Variants in FSTL5 observed in about 807,000 individuals in gnomAD.
The protein encoded by FSTL5 is follistatin-related protein 5.
FSTL5 carries 62 observed loss-of-function variants against 89.1 expected under a neutral mutation model. The ratio of observed to expected loss-of-function variants is 0.70; its 90% CI spans 0.57 to 0.86. The LOEUF (loss-of-function observed/expected upper bound fraction) is 0.86. Ranked by LOEUF, FSTL5 falls within the 40% of genes least tolerant of loss-of-function variation. FSTL5 has a pLI of 0.00. For missense variants in FSTL5, 1,057 were observed against 1,001.6 expected, an observed-to-expected ratio of 1.06 and a Z score of -0.75; for synonymous variants, 383 against 346.2, an observed-to-expected ratio of 1.11 and a Z score of -1.18.
In FSTL5 at chr4:161,887,458, G is replaced by A. The variant is rs572761101; in HGVS notation, c.409+32946C>T. 6.7e-3 allele frequency among the ~76,000 whole-genome samples: 997 copies of A among 147,972 alleles called. 11 individuals are homozygous for A. The highest frequency in any genetic ancestry group is 0.025 in the African/African-American group (962 of 38,672). On this transcript the variant is annotated intron_variant, in intron 4 of 15. Transcript: ENST00000306100. The stretch of plus-strand genomic sequence containing the variant: ...TCTACCTATCATCTATAATCTATCA[G>A]TCTATCTGTCTGTTTTTCTATCTAC...
At chr4:161,983,600 G>A (rs1009981651) in intron 3 of FSTL5, among the ~76,000 whole-genome samples, 2 of 152,054 alleles carry the variant, frequency 1.3e-5, no homozygotes, top group African/African-American at 2.4e-5. Context: ...TGAAATACGT[G>A]TCTTCCCTTA....
At chr4:161,526,322 A>C (rs11730053) in intron 10 of FSTL5, among the ~76,000 whole-genome samples, 23,854 of 152,150 alleles carry the variant, frequency 0.16, 2,472 homozygotes, top group Non-Finnish European at 0.24. Flanking sequence ...TTATTCATTA[A>C]TAATCTGATT....
At chr4:161,661,397 A>T (rs1383790006) in intron 6 of FSTL5, among the ~76,000 whole-genome samples, 1 of 152,154 alleles carries the variant, frequency 6.6e-6, no homozygotes, top group Non-Finnish European at 1.5e-5. Context: ...ATGTTTCCTA[A>T]TAATGGGTAT....
At chr4:161,504,790 T>A (rs1169612199) in intron 11 of FSTL5, among the ~76,000 whole-genome samples, 1 of 152,040 alleles carries the variant, frequency 6.6e-6, no homozygotes. Context: ...CCTTTGGGAA[T>A]GGGAACCACT....
rs1289837514 is a variant in FSTL5, at chr4:161,453,217, T to A, written c.1841+1787A>T. 6.6e-5 allele frequency among the ~76,000 whole-genome samples: 10 copies of A among 152,328 alleles called. No individual in the cohort carries two copies. The East Asian group carries it at 1.9e-3, about 29-fold the overall frequency. On this transcript the variant is annotated intron_variant, in intron 15 of 15. Coordinates refer to ENST00000306100, the MANE Select transcript of FSTL5 (RefSeq NM_020116.5). ...ACTAAAATTTTTCTCAAAGAAATTGTATTAATAGTACATTTTTAAAAAATA... is the reference window on the plus strand; with the variant it reads ...ACTAAAATTTTTCTCAAAGAAATTGAATTAATAGTACATTTTTAAAAAATA...
intron 3 of FSTL5, among the ~76,000 whole-genome samples, chr4:161,971,955 T>C (rs1042539383): frequency 1.3e-5 from 2 of 152,176 alleles, no homozygotes; most frequent in East Asian, 3.9e-4. Flanking sequence ...CCAATAACCA[T>C]ACCAAGTCAA....
chr4:162,138,599 C>T (rs919185206), intron 1 of FSTL5, among the ~76,000 whole-genome samples: 4 of 151,948 alleles, frequency 2.6e-5, no homozygotes, highest in Non-Finnish European at 4.4e-5. Context: ...TGCTATTACC[C>T]ATACTGTTTA....
In FSTL5 at chr4:161,500,142, A is replaced by G. The variant is rs760124572; in HGVS notation, c.1340-8T>C. On this transcript the variant is annotated splice_polypyrimidine_tract_variant and splice_region_variant and intron_variant, in intron 11 of 15. Coordinates refer to ENST00000306100, the MANE Select transcript of FSTL5 (RefSeq NM_020116.5). ...TGTTCCCAATTCCCAGACCTTAGGAATAAAAACACATTTAAATGTTCAAAA... is the reference window on the plus strand; with the variant it reads ...TGTTCCCAATTCCCAGACCTTAGGAGTAAAAACACATTTAAATGTTCAAAA... The G allele has an allele frequency of 4.1e-6, 6 of 1,471,526 alleles. No individual in the cohort carries two copies. The highest frequency in any genetic ancestry group is 2.8e-5 in the African/African-American group (2 of 71,574). The allele number at this position is 1,471,526 out of a possible 1,614,324, so 91.2% of individuals were successfully genotyped here.
chr4:162,129,568 G>A (rs1210330191), intron 1 of FSTL5, among the ~76,000 whole-genome samples: 3 of 152,088 alleles, frequency 2.0e-5, no homozygotes, highest in East Asian at 1.9e-4. Context: ...CCCAGAGAAG[G>A]GACTTAAGCC....
At chr4:161,942,316 GA>G (rs1222223608) in intron 3 of FSTL5, among the ~76,000 whole-genome samples, 4 of 151,266 alleles carry the variant, frequency 2.6e-5, no homozygotes, top group Non-Finnish European at 5.9e-5. Flanking sequence ...AAAAAATAGA[GA>G]AAATCAATTA....
chr4:161,931,616 A>G (rs1734286787), intron 3 of FSTL5, among the ~76,000 whole-genome samples: 2 of 151,932 alleles, frequency 1.3e-5, no homozygotes, highest in African/African-American at 4.8e-5. Context: ...CAATATACCA[A>G]TATGAAAATT....
chr4:161,644,103 T>TA (rs796103469), intron 7 of FSTL5, among the ~76,000 whole-genome samples: 2,530 of 145,150 alleles, frequency 0.017, 36 homozygotes, highest in South Asian at 0.042. Context: ...TGAGGAACTT[T>TA]AAAAAAAAAA....
At chr4:161,700,955 C>T (rs183323950) in intron 6 of FSTL5, among the ~76,000 whole-genome samples, 58 of 152,188 alleles carry the variant, frequency 3.8e-4, no homozygotes, top group East Asian at 2.9e-3. Flanking sequence ...TTCTGCCTCA[C>T]GGTTTTCCAA....
intron 3 of FSTL5, among the ~76,000 whole-genome samples, chr4:162,001,414 A>C (rs1306959703): frequency 6.6e-6 from 1 of 152,214 alleles, no homozygotes; most frequent in Admixed American, 6.5e-5. Context: ...GTAGTCACAC[A>C]GTCATGAATT....
At chr4:161,815,635 C>CA (rs141493375) in intron 4 of FSTL5, among the ~76,000 whole-genome samples, 2,139 of 152,096 alleles carry the variant, frequency 0.014, 49 homozygotes, top group African/African-American at 0.049. Flanking sequence ...TTCAGCTACC[C>CA]ACATAAGTTA....
At chr4:161,835,415 AC>A (rs1731004583) in intron 4 of FSTL5, among the ~76,000 whole-genome samples, 1 of 152,106 alleles carries the variant, frequency 6.6e-6, no homozygotes, top group African/African-American at 2.4e-5. Context: ...TGTCCAAAAC[AC>A]CAAAAGTAAT....
At chr4:162,049,084 A>G (rs1738298420) in intron 2 of FSTL5, among the ~76,000 whole-genome samples, 1 of 152,158 alleles carries the variant, frequency 6.6e-6, no homozygotes, top group African/African-American at 2.4e-5. Context: ...AGTTTAATAA[A>G]TCAATAAAGA....
At chr4:161,836,389 A>T (rs1304769391) in intron 4 of FSTL5, among the ~76,000 whole-genome samples, 3 of 151,748 alleles carry the variant, frequency 2.0e-5, no homozygotes, top group Admixed American at 1.3e-4. Context: ...CACCAGCATG[A>T]CACATGTATA....
chr4:162,161,176 A>G (rs1733682221), intron 1 of FSTL5, among the ~76,000 whole-genome samples: 1 of 151,946 alleles, frequency 6.6e-6, no homozygotes, highest in Admixed American at 6.6e-5. Context: ...TTAACAAGAC[A>G]TCCAGTGTTG....
Sources: gnomAD v4.1 joint callset for allele counts (sites outside exome capture counted in the v4.1 genomes callset) on GRCh38, gnomAD v4.1.1 for gene constraint, MANE v1.5 for transcripts, NCBI Gene and HGNC (gene_info 2026-07-23, HGNC 2026-07-21) for gene names.